The following MYT1 variants were observed in gnomAD, a reference collection of about 807,000 sequenced individuals.
MYT1 encodes the protein myelin transcription factor 1, also known as myelin transcription factor I.
A neutral mutation model predicts 123.0 loss-of-function variants in MYT1; 23 were observed. The ratio of observed to expected loss-of-function variants is 0.19; its 90% CI spans 0.13 to 0.26. The LOEUF (loss-of-function observed/expected upper bound fraction) is 0.26. MYT1 is among the 10% of genes least tolerant of loss of function. MYT1 has a pLI of 1.00. For synonymous variants in MYT1, 518 were observed against 575.3 expected (o/e 0.90, Z 1.43); for missense variants, 1,125 against 1,472.5 (o/e 0.76, Z 3.86).
chr20:64,172,600 A>G (rs949080087), intron 1 of MYT1, among the ~76,000 whole-genome samples: 9 of 152,262 alleles, frequency 5.9e-5, no homozygotes, highest in East Asian at 5.8e-4. Context: ...AATTTCTGGG[A>G]CCAAGGAACG....
rs1163613743 is a variant in MYT1, at chr20:64,208,149, C to A, written c.953C>A (p.Ser318Tyr). The A allele has an allele frequency of 6.2e-7, 1 of 1,613,324 alleles. No homozygotes were observed. ...GATGTGATCTTTCAGGAAGACACCT[C>A]TCACACCTCTGCCCAGAAGGCCCCT... ...APDVIFQEDT[S>Y]HTSAQKAPEL... Residue 318 changes from serine (S) to tyrosine (Y), a missense_variant, in exon 7 of 23, where the codon TCT becomes TAT. Physicochemically the swap from Ser to Tyr is moderately radical, Grantham distance 144. Coordinates refer to ENST00000328439, the MANE Select transcript of MYT1 (RefSeq NM_004535.3). This position sits in a 1 kb window ranked among gnomAD's most constrained non-coding sequence, Gnocchi z 5.4.
In MYT1 at chr20:64,208,018, TGAA is replaced by T. The variant is rs772094380; in HGVS notation, c.828_830del (p.Glu306del). Reference sequence around the variant, plus strand: ...AGGAGGAAGAGGAGGAGGAGGAGGATGAAGAAGAGGAAGAGGAAGAGGAGGAGG... The same window carrying T: ...AGGAGGAAGAGGAGGAGGAGGAGGATGAAGAGGAAGAGGAAGAGGAGGAGG... On this transcript the variant is annotated inframe_deletion, in exon 7 of 23. Transcript: ENST00000328439. This position sits in a 1 kb window ranked among gnomAD's most constrained non-coding sequence, Gnocchi z 5.4. 2.2e-5 allele frequency: 32 copies of T among 1,484,546 alleles called. No individual in the cohort carries two copies. Among genetic ancestry groups the T allele is most frequent in the Non-Finnish European group, 2.7e-5 (30 of 1,117,192 alleles). The allele number at this position is 1,484,546 out of a possible 1,614,324, so 92.0% of individuals were successfully genotyped here. A position where few individuals can be genotyped will look rare whatever the true frequency, so the allele number is the denominator to read the frequency against.
rs540037019 is a variant in MYT1 at position 64,198,892 on chromosome 20, C to T, written c.31C>T (p.Arg11Cys). Residue 11 changes from arginine to cysteine, a missense_variant, in exon 3 of 23, where the codon CGC becomes TGC. Physicochemically the swap from Arg to Cys is radical, Grantham distance 180. Coordinates refer to ENST00000328439, the MANE Select transcript of MYT1 (RefSeq NM_004535.3). ...CTTAGAAAATGAAGACAAGCGAGCTCGCACCCGATCCAAGGCCCTGCGAGG... is the reference window on the plus strand; with the variant it reads ...CTTAGAAAATGAAGACAAGCGAGCTTGCACCCGATCCAAGGCCCTGCGAGG... MSLENEDKRA[R>C]TRSKALRGPP... is the part of the protein sequence containing the mutation. The T allele has an allele frequency of 2.7e-5, 43 of 1,614,158 alleles. 1 individual carries two copies. Among genetic ancestry groups the T allele is most frequent in the South Asian group, 2.3e-4 (21 of 91,084 alleles).
Position 64,240,610 on chromosome 20 carries a change from A to G in MYT1, c.*162A>G, listed in dbSNP as rs1395695178. ...GGATGGCTGGAAATTGGCCGCTCCC[A>G]CGAGGCTCCCTCCAGGCTTGGGGCC... On this transcript the variant is annotated 3_prime_UTR_variant, in exon 23 of 23. Coordinates refer to ENST00000328439, the MANE Select transcript of MYT1 (RefSeq NM_004535.3). 1.0e-6 allele frequency: 1 copy of G among 963,744 alleles called. No individual in the cohort carries two copies. The highest frequency in any genetic ancestry group is 1.7e-5 in the African/African-American group (1 of 60,262). 59.7% of individuals were successfully genotyped at this position (963,744 alleles called of 1,614,324 possible).
chr20:64,213,871 C>T lies in MYT1; in HGVS notation c.1631+224C>T, dbSNP rs112890816. 6.5e-4 allele frequency among the ~76,000 whole-genome samples: 99 copies of T among 152,346 alleles called. 1 individual carries two copies. Among genetic ancestry groups the T allele is most frequent in the African/African-American group, 2.2e-3 (93 of 41,584 alleles). On this transcript the variant is annotated intron_variant, in intron 10 of 22. Transcript: ENST00000328439. This position sits in a 1 kb window ranked among gnomAD's most constrained non-coding sequence, Gnocchi z 5.6. Reference sequence around the variant, plus strand: ...ACAGGACAGAGTCTCATGTCTACCACATTCGCCAGTGCCTCAGCCAAAGCG... The same window carrying T: ...ACAGGACAGAGTCTCATGTCTACCATATTCGCCAGTGCCTCAGCCAAAGCG...
In MYT1 at chr20:64,212,189, G is replaced by A. The variant is rs1308971399; in HGVS notation, c.1517+51G>A. On this transcript the variant is annotated intron_variant, in intron 9 of 22. Coordinates refer to ENST00000328439, the MANE Select transcript of MYT1 (RefSeq NM_004535.3). This position sits in a 1 kb window ranked among gnomAD's most constrained non-coding sequence, Gnocchi z 6.8. ...TGGGGGCCAGGGTGGGGGCCGTGGT[G>A]GGGGCCAGGGTGGGGGCCGTGGTGG... is the stretch of plus-strand genomic sequence containing the variant. 214 of 496,738 alleles carry A rather than the reference G, an allele frequency of 4.3e-4. No individual in the cohort carries two copies. Among genetic ancestry groups the A allele is most frequent in the Non-Finnish European group, 3.5e-4 (104 of 295,236 alleles). 30.8% of individuals were successfully genotyped at this position (496,738 alleles called of 1,614,324 possible). A position where few individuals can be genotyped will look rare whatever the true frequency, so the allele number is the denominator to read the frequency against.
intron 7 of MYT1, among the ~76,000 whole-genome samples, chr20:64,210,021 G>A (rs1434618962): frequency 6.6e-6 from 1 of 152,074 alleles, no homozygotes; most frequent in East Asian, 1.9e-4. Context: ...AGGTGTCAAG[G>A]GCCCGGGGTG....
In MYT1 at chr20:64,168,160, A is replaced by C. The variant is rs1982141488; in HGVS notation, c.-99+3421A>C. Reference sequence around the variant, plus strand: ...AACATCACTTTAAAAAACTCAAAACAAAAATGAGCAAGAGGAATTTCACCG... The same window carrying C: ...AACATCACTTTAAAAAACTCAAAACCAAAATGAGCAAGAGGAATTTCACCG... On this transcript the variant is annotated intron_variant, in intron 1 of 22. Transcript: ENST00000328439. The surrounding 1 kb of genome is among the most constrained non-coding windows in gnomAD (Gnocchi z 6.1). Among the ~76,000 whole-genome samples the C allele has an allele frequency of 6.6e-6, 1 of 152,260 alleles. No homozygotes were observed. Among genetic ancestry groups the C allele is most frequent in the Admixed American group, 6.5e-5 (1 of 15,284 alleles).
chr20:64,171,168 C>T (rs906788326), intron 1 of MYT1, among the ~76,000 whole-genome samples: 1 of 151,782 alleles, frequency 6.6e-6, no homozygotes, highest in African/African-American at 2.4e-5. Flanking sequence ...ATCTGCCTGC[C>T]TCCGCCTCCC....
chr20:64,211,433 C>A, intron 8 of MYT1, 93 bp downstream of exon 8: 1 of 1,345,010 alleles, frequency 7.4e-7, no homozygotes, highest in South Asian at 1.5e-5. Context: ...GTGGCCTGCC[C>A]AGGGCCATAA....
Position 64,202,256 on chromosome 20 carries a change from G to A in MYT1, c.86+2334G>A, listed in dbSNP as rs747071671. 2.0e-5 allele frequency among the ~76,000 whole-genome samples: 3 copies of A among 152,214 alleles called. No individual in the cohort carries two copies. Among genetic ancestry groups the A allele is most frequent in the Non-Finnish European group, 4.4e-5 (3 of 68,046 alleles). On this transcript the variant is annotated intron_variant, in intron 4 of 22. Transcript: ENST00000328439. This position sits in a 1 kb window ranked among gnomAD's most constrained non-coding sequence, Gnocchi z 5.0. ...CTTGGATCGAGCAGGACCCTGAGCT[G>A]CTATTTCCGACCTCGGAGCCCACTG...
intron 19 of MYT1, among the ~76,000 whole-genome samples, chr20:64,233,539 C>A (rs553911855): frequency 3.1e-4 from 39 of 127,612 alleles, no homozygotes; most frequent in Non-Finnish European, 9.7e-5. Flanking sequence ...TTAATTAACT[C>A]ACTCATTCAA....
intron 7 of MYT1, among the ~76,000 whole-genome samples, chr20:64,209,153 GA>G (rs922057172): frequency 1.3e-5 from 2 of 152,196 alleles, no homozygotes; most frequent in Non-Finnish European, 2.9e-5. Flanking sequence ...TGTGGTTGGG[GA>G]GCAGCTGGGA....
intron 4 of MYT1, among the ~76,000 whole-genome samples, 191 bp downstream of exon 4, chr20:64,200,113 C>T (rs545287866): frequency 1.3e-5 from 2 of 152,344 alleles, no homozygotes; most frequent in South Asian, 4.1e-4. Context: ...TCTGTTCTCA[C>T]CTCTGTCCTG....
chr20:64,207,513 G>C (rs76118085), intron 6 of MYT1, 81 bp from the exon 7 acceptor site: 250,652 of 1,544,506 alleles, frequency 0.16, 21,573 homozygotes, highest in Non-Finnish European at 0.18. Flanking sequence ...AGGTGGAGGG[G>C]TGGTGGGTGT....
At position 64,232,221 on chromosome 20, in the gene MYT1, C is replaced by T. The variant is rs372306029; in HGVS notation, c.2733C>T (p.His911=). 25 of 1,613,068 alleles carry T rather than the reference C, an allele frequency of 1.5e-5. No individual in the cohort carries two copies. The African/African-American group carries it at 3.1e-4, about 20-fold the overall frequency. Residue 911 remains histidine, a synonymous_variant, in exon 19 of 23, where the codon CAC becomes CAT. Transcript: ENST00000328439. This position sits in a 1 kb window ranked among gnomAD's most constrained non-coding sequence, Gnocchi z 6.9. ...ACATCAGCGGGAAATACGCCTCTCA[C>T]AGGAGCGCATCCGGCTGCCCACTGG... ...LGHISGKYAS[H]RSASGCPLAA...
chr20:64,232,486 G>T lies in MYT1; in HGVS notation c.2897+101G>T. The T allele has an allele frequency of 8.2e-7, 1 of 1,216,276 alleles. No individual in the cohort carries two copies. The allele number at this position is 1,216,276 out of a possible 1,614,324, so 75.3% of individuals were successfully genotyped here. A position where few individuals can be genotyped will look rare whatever the true frequency, so the allele number is the denominator to read the frequency against. On this transcript the variant is annotated intron_variant, in intron 19 of 22. Transcript: ENST00000328439. The surrounding 1 kb of genome is among the most constrained non-coding windows in gnomAD (Gnocchi z 6.9). ...TGAGGGAGGGCCAGACCAGGGCTCC[G>T]TGTGACCAGAGTTGCTCAAGGGAAA...
rs12481347 is a variant in MYT1 at position 64,197,962 on chromosome 20, G to C, written c.1-900G>C. Reference sequence around the variant, plus strand: ...CCGCTCCAGGTTGCCTGTTTCTCACGGGATGACCCTGGTGCGTGAGGGGCA... The same window carrying C: ...CCGCTCCAGGTTGCCTGTTTCTCACCGGATGACCCTGGTGCGTGAGGGGCA... On this transcript the variant is annotated intron_variant, in intron 2 of 22. Transcript: ENST00000328439. 3.0e-3 allele frequency among the ~76,000 whole-genome samples: 456 copies of C among 152,252 alleles called. 14 individuals are homozygous for C. Among genetic ancestry groups the C allele is most frequent in the Admixed American group, 0.027 (418 of 15,304 alleles).
intron 1 of MYT1, among the ~76,000 whole-genome samples, chr20:64,187,745 T>G (rs1402669211): frequency 2.0e-5 from 3 of 152,202 alleles, no homozygotes; most frequent in African/African-American, 7.2e-5. Context: ...TGATAGCCGT[T>G]TGCTGCCAAG....
Sources: allele counts gnomAD v4.1 joint callset (sites outside exome capture counted in the v4.1 genomes callset), GRCh38; gene constraint gnomAD v4.1.1; non-coding constraint Gnocchi (gnomAD v3.1); transcripts MANE v1.5; gene names NCBI Gene and HGNC (gene_info 2026-07-23, HGNC 2026-07-21).